The following ADTRP variants were observed in gnomAD, a reference collection of about 807,000 sequenced individuals.
ADTRP encodes the protein androgen-dependent TFPI-regulating protein.
In ADTRP, 20 loss-of-function variants were observed where a neutral mutation model predicts 27.0. That is an observed-to-expected ratio of 0.74 (90% CI 0.52 to 1.08). The LOEUF (loss-of-function observed/expected upper bound fraction) is 1.08, where lower values mean the gene tolerates loss of function less well. Among genes scored for constraint, ADTRP ranks in the 50% least tolerant of loss-of-function variants. The probability of loss-of-function intolerance (pLI) is 0.00; values close to 1 mark genes in which losing one functional copy is unlikely to be tolerated. For missense variants in ADTRP, 251 were observed against 275.0 expected, an observed-to-expected ratio of 0.91 and a Z score of 0.62; for synonymous variants, 101 against 105.2, an observed-to-expected ratio of 0.96 and a Z score of 0.25.
intron 4 of ADTRP, among the ~76,000 whole-genome samples, chr6:11,733,399 C>G (rs544203430): frequency 6.6e-6 from 1 of 152,374 alleles, no homozygotes; most frequent in African/African-American, 2.4e-5. Flanking sequence ...CCCTGTCCTC[C>G]AATTCAGCCA....
rs187520238 is a variant in ADTRP, at chr6:11,719,851, A to C, written c.658+3498T>G. 1.4e-3 allele frequency among the ~76,000 whole-genome samples: 215 copies of C among 151,710 alleles called. 2 individuals are homozygous for C. Among genetic ancestry groups the C allele is most frequent in the Non-Finnish European group, 2.3e-3 (156 of 67,960 alleles). The stretch of plus-strand genomic sequence containing the variant: ...AACTGGTAATTTATACATCAACTCA[A>C]AGGGGAGAATGAGGGAGAATAAGAT... On this transcript the variant is annotated intron_variant, in intron 5 of 5. Transcript: ENST00000414691.
chr6:11,754,637 C>A (rs1021083384), intron 3 of ADTRP, among the ~76,000 whole-genome samples: 3 of 152,138 alleles, frequency 2.0e-5, no homozygotes, highest in Admixed American at 2.0e-4. Context: ...AGGAATTGGA[C>A]AAATTCAAAT....
intron 1 of ADTRP, among the ~76,000 whole-genome samples, chr6:11,775,934 TATA>T (rs1457682169): frequency 6.6e-6 from 1 of 152,146 alleles, no homozygotes; most frequent in East Asian, 1.9e-4. Flanking sequence ...GTAAAATAAA[TATA>T]AGAATGTGAG....
At chr6:11,734,475 T>C (rs1390923707) in intron 4 of ADTRP, among the ~76,000 whole-genome samples, 6 of 152,158 alleles carry the variant, frequency 3.9e-5, no homozygotes, top group Non-Finnish European at 5.9e-5. Context: ...CACTGGAGTC[T>C]GGGGGTAGAT....
intron 3 of ADTRP, among the ~76,000 whole-genome samples, chr6:11,763,923 T>G (rs1763469865): frequency 1.3e-5 from 2 of 152,184 alleles, no homozygotes; most frequent in African/African-American, 4.8e-5. Flanking sequence ...ATACCAACAT[T>G]TTTCCTAAGA....
intron 3 of ADTRP, among the ~76,000 whole-genome samples, chr6:11,737,974 T>C (rs1383745659): frequency 3.9e-5 from 6 of 152,204 alleles, no homozygotes; most frequent in African/African-American, 1.4e-4. Context: ...AATCTAACCC[T>C]GGGCTAGTGA....
chr6:11,764,358 G>A (rs1245181159), intron 3 of ADTRP, among the ~76,000 whole-genome samples: 1 of 152,170 alleles, frequency 6.6e-6, no homozygotes, highest in African/African-American at 2.4e-5. Flanking sequence ...GGTAGTCATT[G>A]TGAAAAAAGC....
At chr6:11,754,924 T>C (rs1458573140) in intron 3 of ADTRP, 1 of 703,700 alleles carries the variant, frequency 1.4e-6, no homozygotes, top group East Asian at 1.3e-4. Flanking sequence ...CGGGGATTTT[T>C]CACGTCTGTC....
intron 4 of ADTRP, chr6:11,728,231 T>C (rs1215352708): frequency 6.6e-6 from 1 of 152,352 alleles, no homozygotes; most frequent in Non-Finnish European, 1.5e-5. Flanking sequence ...ACTTCCCCTA[T>C]TGCAAGCCAT....
chr6:11,737,324 C>T (rs1203975133), intron 3 of ADTRP, among the ~76,000 whole-genome samples: 6 of 152,126 alleles, frequency 3.9e-5, no homozygotes, highest in South Asian at 2.1e-4. Context: ...TGCAAGCTCC[C>T]GCCCCATCTT....
intron 5 of ADTRP, among the ~76,000 whole-genome samples, chr6:11,720,538 C>G (rs947477648): frequency 2.6e-5 from 4 of 151,040 alleles, no homozygotes; most frequent in African/African-American, 9.8e-5. Flanking sequence ...GTGGCGCGAT[C>G]TCGGCTCACT....
chr6:11,766,316 C>A lies in ADTRP; in HGVS notation c.348G>T (p.Lys116Asn). Residue 116 changes from lysine to asparagine, a missense_variant, in exon 3 of 6, where the codon AAG (lysine) becomes AAT (asparagine). Lys to Asn is a moderately conservative substitution (Grantham distance 94). Transcript: ENST00000414691. ...FLYNRDLIYP[K>N]VLDTVIPVWL... ...ACACGGGGATGACAGTATCTAGGAC[C>A]TTGGGGTAAATGAGATCTCGATTGT... The A allele has an allele frequency of 6.2e-7, 1 of 1,612,814 alleles. No individual in the cohort carries two copies. The highest frequency in any genetic ancestry group is 1.1e-5 in the South Asian group (1 of 90,806).
intron 3 of ADTRP, among the ~76,000 whole-genome samples, chr6:11,740,673 CTT>C (rs1014521721): frequency 6.6e-6 from 1 of 152,178 alleles, no homozygotes; most frequent in Non-Finnish European, 1.5e-5. Flanking sequence ...CAGCTAAAAA[CTT>C]TTACCTCCTT....
intron 3 of ADTRP, among the ~76,000 whole-genome samples, chr6:11,761,546 A>G (rs1313770087): frequency 6.6e-6 from 1 of 152,228 alleles, no homozygotes; most frequent in African/African-American, 2.4e-5. Context: ...TCTTAAGATT[A>G]GGGACCATAT....
chr6:11,778,539 T>C, intron 1 of ADTRP, 68 bp downstream of exon 1: 1 of 1,495,218 alleles, frequency 6.7e-7, no homozygotes, highest in East Asian at 2.3e-5. Flanking sequence ...AATCCAAAGA[T>C]GATATGTGTG....
At chr6:11,733,624 T>C (rs1055557716) in intron 4 of ADTRP, among the ~76,000 whole-genome samples, 3 of 152,250 alleles carry the variant, frequency 2.0e-5, no homozygotes, top group African/African-American at 4.8e-5. Context: ...CTGTCTGTTA[T>C]GCTCCTCTTT....
At chr6:11,717,256 G>T (rs1422841563) in intron 5 of ADTRP, 1 of 1,293,962 alleles carries the variant, frequency 7.7e-7, no homozygotes, top group Non-Finnish European at 1.0e-6. Context: ...TCCTTTAACT[G>T]CTGTCAGATA....
chr6:11,723,200 C>T lies in ADTRP; in HGVS notation c.658+149G>A, dbSNP rs561481899. 2.7e-5 allele frequency: 31 copies of T among 1,142,102 alleles called. No homozygotes were observed. The South Asian group carries it at 3.2e-4, about 12-fold the overall frequency. The allele number at this position is 1,142,102 out of a possible 1,614,324, so 70.7% of individuals were successfully genotyped here. On this transcript the variant is annotated intron_variant, in intron 5 of 5. Coordinates refer to ENST00000414691, the MANE Select transcript of ADTRP (RefSeq NM_032744.4). ...CGCTGTCCTCTTGCCTTGGCAGGAC[C>T]TCTTGGCAGGACCTGTCTGAGTACT...
At chr6:11,758,579 G>GT (rs529436971) in intron 3 of ADTRP, among the ~76,000 whole-genome samples, 18 of 116,886 alleles carry the variant, frequency 1.5e-4, no homozygotes, top group African/African-American at 5.9e-4. Flanking sequence ...GTGGGGTGGG[G>GT]GGGGGGGACG....
Sources: gnomAD v4.1 joint callset for allele counts (sites outside exome capture counted in the v4.1 genomes callset) on GRCh38, gnomAD v4.1.1 for gene constraint, MANE v1.5 for transcripts, NCBI Gene and HGNC (gene_info 2026-07-23, HGNC 2026-07-21) for gene names.